The following IL17REL variants were observed in gnomAD, a reference collection of about 807,000 sequenced individuals.
IL17REL encodes interleukin-17 receptor E-like protein.
IL17REL carries 36 observed loss-of-function variants against 49.0 expected under a neutral mutation model. The ratio of observed to expected loss-of-function variants is 0.73; its 90% CI spans 0.56 to 0.97. IL17REL has a LOEUF of 0.97. IL17REL is among the 50% of genes least tolerant of loss of function. The probability of loss-of-function intolerance (pLI) is 0.00; values close to 1 mark genes in which losing one functional copy is unlikely to be tolerated. For missense variants in IL17REL, 470 were observed against 453.9 expected (o/e 1.04, Z -0.32); for synonymous variants, 206 against 192.4 (o/e 1.07, Z -0.58).
chr22:49,993,578 G>T (rs1408392600), downstream of IL17REL, among the ~76,000 whole-genome samples: 1 of 152,196 alleles, frequency 6.6e-6, no homozygotes, highest in Non-Finnish European at 1.5e-5. The surrounding 1 kb of genome is among the most constrained non-coding windows in gnomAD (Gnocchi z 6.0). Context: ...TCCTCCAGCA[G>T]GTTCCTCCCT....
intron 1 of IL17REL, among the ~76,000 whole-genome samples, chr22:50,004,724 G>A (rs12168233): frequency 0.25 from 37,452 of 151,190 alleles, 4,968 homozygotes; most frequent in South Asian, 0.43. Context: ...TGCCAGGTGT[G>A]GTGGTACACA....
chr22:50,004,963 CAGAAAGTAAAAAAAAAAAAAAAAA>C (rs1045015422), intron 1 of IL17REL, among the ~76,000 whole-genome samples: 1 of 117,758 alleles, frequency 8.5e-6, no homozygotes, highest in Non-Finnish European at 1.7e-5. Flanking sequence ...GAATCAAAAC[CAGAAAGTAAAAAAAAAAAAAAAAA>C]AAAAAGGTGA....
chr22:50,005,462 A>G (rs1473909379), intron 1 of IL17REL, among the ~76,000 whole-genome samples: 1 of 152,138 alleles, frequency 6.6e-6, no homozygotes, highest in Admixed American at 6.6e-5. Context: ...TTGGGAATTC[A>G]AGCTGGTGTT....
At chr22:49,997,597 C>T (rs1296222615) in intron 10 of IL17REL, 88 bp downstream of exon 12, 20 of 1,473,766 alleles carry the variant, frequency 1.4e-5, no homozygotes, top group Admixed American at 3.4e-5. Flanking sequence ...GGCTTGGCAC[C>T]GTTATTCCAC....
At chr22:50,012,368 C>T (rs925571060), upstream of IL17REL, among the ~76,000 whole-genome samples, 4 of 152,168 alleles carry the variant, frequency 2.6e-5, no homozygotes, top group Non-Finnish European at 5.9e-5. Flanking sequence ...CGGAGCAGCT[C>T]GGCAGGGTCA....
chr22:49,993,420 C>A (rs866004101), downstream of IL17REL, among the ~76,000 whole-genome samples: 1 of 152,046 alleles, frequency 6.6e-6, no homozygotes, highest in African/African-American at 2.4e-5. This position sits in a 1 kb window ranked among gnomAD's most constrained non-coding sequence, Gnocchi z 6.0. Context: ...GGGTTTCCGG[C>A]GGTGGTGGTG....
At chr22:50,006,486 G>C (rs1298687470) in intron 1 of IL17REL, among the ~76,000 whole-genome samples, 1 of 152,056 alleles carries the variant, frequency 6.6e-6, no homozygotes, top group African/African-American at 2.4e-5. Context: ...CTGTGGAGAG[G>C]GTGGGCCCAG....
chr22:49,994,620 G>A (rs1002597425), exon 13 of IL17REL: 41 of 152,392 alleles, frequency 2.7e-4, no homozygotes, highest in African/African-American at 9.7e-4. Context: ...GTTGCAGGAG[G>A]GAAAAGAAGG....
At chr22:49,996,906 C>G in intron 12 of IL17REL, 46 bp from the exon 15 acceptor site, 1 of 672,570 alleles carries the variant, frequency 1.5e-6, no homozygotes, top group Non-Finnish European at 2.5e-6. Context: ...CTGCTTCCCC[C>G]GGGGATGGGG....
chr22:49,992,771 C>T (rs751929998), downstream of IL17REL, among the ~76,000 whole-genome samples: 3 of 152,222 alleles, frequency 2.0e-5, no homozygotes, highest in Non-Finnish European at 2.9e-5. Flanking sequence ...GTGCCCACCA[C>T]AATGCCTGGT....
At chr22:49,999,406 A>C in intron 6 of IL17REL, 25 bp downstream of exon 8, 1 of 1,612,522 alleles carries the variant, frequency 6.2e-7, no homozygotes, top group Admixed American at 1.7e-5. Context: ...CACCCGCCCC[A>C]AGTCCAGGCC....
intron 1 of IL17REL, among the ~76,000 whole-genome samples, chr22:50,004,412 G>C (rs1177604609): frequency 6.6e-6 from 1 of 152,140 alleles, no homozygotes; most frequent in Non-Finnish European, 1.5e-5. Context: ...GGATGGTTTG[G>C]GGATAAAAAG....
chr22:50,000,049 T>C (rs999014259), intron 4 of IL17REL, 82 bp from the exon 7 acceptor site: 5 of 1,362,186 alleles, frequency 3.7e-6, no homozygotes, highest in Admixed American at 6.6e-5. Context: ...AGCCCCGACG[T>C]GGTGGCTCCT....
intron 1 of IL17REL, among the ~76,000 whole-genome samples, chr22:50,004,596 C>A (rs1331456512): frequency 6.6e-6 from 1 of 151,996 alleles, no homozygotes; most frequent in Non-Finnish European, 1.5e-5. Flanking sequence ...AGGCCAACAA[C>A]TCCCCTTTAA....
At chr22:49,999,023 T>C (rs959121859) in intron 7 of IL17REL, among the ~76,000 whole-genome samples, 2 of 152,116 alleles carry the variant, frequency 1.3e-5, no homozygotes, top group African/African-American at 2.4e-5. Context: ...GTCTCTCTTG[T>C]GCCCCTCAGA....
exon 3 of IL17REL, chr22:50,000,792 C>T: frequency 1.2e-6 from 2 of 1,600,918 alleles, no homozygotes; most frequent in Admixed American, 1.7e-5. Flanking sequence ...GCCCTGGCCA[C>T]CCACACGCTC....
chr22:49,992,407 T>C (rs546879758), downstream of IL17REL, among the ~76,000 whole-genome samples: 2 of 152,310 alleles, frequency 1.3e-5, no homozygotes, highest in East Asian at 3.9e-4. Flanking sequence ...TGTCTGAGCC[T>C]CCCAGGGACC....
At chr22:50,003,519 C>CAA (rs142337526) in intron 1 of IL17REL, among the ~76,000 whole-genome samples, 5,914 of 38,820 alleles carry the variant, frequency 0.15, 806 homozygotes, top group East Asian at 0.29. Context: ...GACTCCATCT[C>CAA]AAAAAAAAAA....
chr22:49,999,561 G>T, intron 5 of IL17REL, 59 bp from the exon 8 acceptor site: 1 of 1,358,698 alleles, frequency 7.4e-7, no homozygotes, highest in East Asian at 2.5e-5. Context: ...GGTCTGGGGT[G>T]GGCGGGACCT....
Sources: allele counts gnomAD v4.1 joint callset (sites outside exome capture counted in the v4.1 genomes callset), GRCh38; gene constraint gnomAD v4.1.1; non-coding constraint Gnocchi (gnomAD v3.1); transcripts MANE v1.5; gene names NCBI Gene and HGNC (gene_info 2026-07-23, HGNC 2026-07-21).